Variants in FAM98A observed in about 807,000 individuals in gnomAD.
FAM98A encodes the protein protein FAM98A.
FAM98A carries 25 observed loss-of-function variants against 62.9 expected under a neutral mutation model. The ratio of observed to expected loss-of-function variants is 0.40; its 90% CI spans 0.29 to 0.56. The LOEUF (loss-of-function observed/expected upper bound fraction) is 0.56, where lower values mean the gene tolerates loss of function less well. Ranked by LOEUF, FAM98A falls within the 20% of genes least tolerant of loss-of-function variation. FAM98A has a pLI of 0.51. For synonymous variants in FAM98A, 252 were observed against 228.6 expected (o/e 1.10, Z -0.92); for missense variants, 653 against 640.7 (o/e 1.02, Z -0.21).
At chr2:33,587,543 C>T (rs1243895033) in intron 4 of FAM98A, 4 of 506,398 alleles carry the variant, frequency 7.9e-6, no homozygotes, top group African/African-American at 1.9e-5. Context: ...CAGTGCCTGA[C>T]AACAGTAGGC....
chr2:33,590,591 T>C (rs530522770), intron 3 of FAM98A, among the ~76,000 whole-genome samples: 47 of 152,206 alleles, frequency 3.1e-4, no homozygotes, highest in Admixed American at 7.9e-4. Flanking sequence ...ACAGTGTGTA[T>C]ATATGTATGT....
At chr2:33,586,073 T>G (rs1677540895) in intron 6 of FAM98A, among the ~76,000 whole-genome samples, 1 of 152,234 alleles carries the variant, frequency 6.6e-6, no homozygotes, top group Admixed American at 6.5e-5. Context: ...TGCTTTTTAA[T>G]TTTCCTATCT....
In FAM98A at chr2:33,585,322, T is replaced by C; in HGVS notation, c.1011A>G (p.Gly337=). ...DGPQQQTGGR[G]GGRGGYEHSS... ...AATGTTCATAGCCACCTCTCCCTCC[T>C]CCTCGGCCTCCTGTTTGCTGCTGGG... is the stretch of plus-strand genomic sequence containing the variant. The change falls in exon 8 of 8, where the codon GGA becomes GGG. Residue 337 remains glycine, a synonymous_variant. Coordinates refer to ENST00000238823, the MANE Select transcript of FAM98A (RefSeq NM_015475.5). 1 of 1,613,998 alleles carries C rather than the reference T, an allele frequency of 6.2e-7. No homozygotes were observed. The highest frequency in any genetic ancestry group is 8.5e-7 in the Non-Finnish European group (1 of 1,179,984).
intron 1 of FAM98A, among the ~76,000 whole-genome samples, chr2:33,597,364 T>C (rs1677835975): frequency 6.6e-6 from 1 of 152,228 alleles, no homozygotes; most frequent in Non-Finnish European, 1.5e-5. Context: ...AGTCATTTAA[T>C]TCTAATATTT....
intron 3 of FAM98A, chr2:33,591,826 T>C (rs184398060): frequency 6.5e-6 from 2 of 308,896 alleles, no homozygotes; most frequent in Non-Finnish European, 1.2e-5. Flanking sequence ...GTGATCACAT[T>C]AGGAGAAGCA....
intron 3 of FAM98A, 92 bp downstream of exon 3, chr2:33,591,988 G>T: frequency 8.8e-7 from 1 of 1,133,024 alleles, no homozygotes; most frequent in Non-Finnish European, 1.3e-6. Context: ...CATTCATAAT[G>T]AAATAAACAA....
chr2:33,588,185 G>A (rs1677600015), intron 4 of FAM98A, 150 bp downstream of exon 4: 1 of 647,022 alleles, frequency 1.5e-6, no homozygotes, highest in Non-Finnish European at 2.7e-6. Context: ...AGGCATCTAG[G>A]ATTTAAAACC....
intron 2 of FAM98A, among the ~76,000 whole-genome samples, chr2:33,594,682 CACATATATATACACATATATATAT>C (rs879859036): frequency 0.56 from 61,477 of 108,838 alleles, 22,490 homozygotes; most frequent in Admixed American, 0.66. Context: ...TATATATACA[CACATATATATACACATATATATAT>C]ACACACACAC....
At position 33,585,599 on chromosome 2, in the gene FAM98A, C is replaced by T. The variant is rs143669197; in HGVS notation, c.819G>A (p.Gln273=). The T allele has an allele frequency of 1.9e-6, 3 of 1,614,048 alleles. No homozygotes were observed. In the African/African-American group the frequency reaches 4.0e-5, roughly 22 times the overall value. ...ISVAHLLAAR[Q]DLSKILRTSS... ...TTGTCCTTAAAATCTTTGACAAGTCCTGCCTTGCAGCCAAAAGATGGGCAA... is the reference window on the plus strand; with the variant it reads ...TTGTCCTTAAAATCTTTGACAAGTCTTGCCTTGCAGCCAAAAGATGGGCAA... Residue 273 remains glutamine, a synonymous_variant, in exon 7 of 8, where the codon CAG becomes CAA. Coordinates refer to ENST00000238823, the MANE Select transcript of FAM98A (RefSeq NM_015475.5).
intron 3 of FAM98A, chr2:33,589,192 A>T (rs1337024786): frequency 3.3e-5 from 5 of 152,124 alleles, no homozygotes; most frequent in Non-Finnish European, 5.9e-5. Flanking sequence ...ACAACCATAA[A>T]ACCTTCAAAG....
Position 33,585,159 on chromosome 2 carries a change from C to G in FAM98A, c.1174G>C (p.Gly392Arg). The change falls in exon 8 of 8, where the codon GGT becomes CGT. Residue 392 changes from glycine (G) to arginine (R), a missense_variant. Gly to Arg is a moderately radical substitution (Grantham distance 125). Coordinates refer to ENST00000238823, the MANE Select transcript of FAM98A (RefSeq NM_015475.5). ...CGATAACCACCATCTTGGTAGCCACCTCCTCCACCACTCCCTCCATCTGTC... is the reference window on the plus strand; with the variant it reads ...CGATAACCACCATCTTGGTAGCCACGTCCTCCACCACTCCCTCCATCTGTC... ...GWTDGGSGGG[G>R]GYQDGGYRDS... is the part of the protein sequence containing the mutation. The G allele has an allele frequency of 6.2e-7, 1 of 1,614,142 alleles. No homozygotes were observed.
At chr2:33,592,867 T>C (rs1381728649) in intron 2 of FAM98A, among the ~76,000 whole-genome samples, 1 of 152,222 alleles carries the variant, frequency 6.6e-6, no homozygotes, top group Non-Finnish European at 1.5e-5. Flanking sequence ...TTCCTGTGTG[T>C]GCCAGGCCAG....
At position 33,585,657 on chromosome 2, in the gene FAM98A, C is replaced by A; in HGVS notation, c.761G>T (p.Arg254Leu). The A allele has an allele frequency of 6.2e-7, 1 of 1,613,926 alleles. No homozygotes were observed. The highest frequency in any genetic ancestry group is 1.1e-5 in the South Asian group (1 of 91,058). Residue 254 changes from arginine to leucine, a missense_variant, in exon 7 of 8, where the codon CGT (arginine) becomes CTT (leucine). Coordinates refer to ENST00000238823, the MANE Select transcript of FAM98A (RefSeq NM_015475.5). ...EKLAKVYQPKRSVLSPKTTIS... is the reference protein window; with the variant it reads ...EKLAKVYQPKLSVLSPKTTIS... ...AGTAGTTTTAGGGGATAAGACTGAA[C>A]GTTTCGGCTGGTAAACCTTGGCTAA...
At chr2:33,598,990 C>T (rs560507256) in intron 1 of FAM98A, among the ~76,000 whole-genome samples, 179 bp downstream of exon 1, 1 of 152,160 alleles carries the variant, frequency 6.6e-6, no homozygotes, top group African/African-American at 2.4e-5. Flanking sequence ...TTGGAGGACC[C>T]CGAGCTAGCA....
intron 3 of FAM98A, chr2:33,588,844 G>T (rs550543264): frequency 1.2e-3 from 208 of 169,022 alleles, no homozygotes; most frequent in Non-Finnish European, 2.0e-3. Context: ...ACAGGGGTTG[G>T]CATCTGTTAA....
At chr2:33,591,714 C>T (rs10168835) in intron 3 of FAM98A, among the ~76,000 whole-genome samples, 13,329 of 152,164 alleles carry the variant, frequency 0.088, 774 homozygotes, top group African/African-American at 0.17. Context: ...AACAAAATCT[C>T]CATTATTTCC....
rs561100291 is a variant in FAM98A at position 33,594,692 on chromosome 2, T to C, written c.202+797A>G. ...ACATATATATATACACACATATATA[T>C]ACACATATATATATACACACACACA... On this transcript the variant is annotated intron_variant, in intron 2 of 7. Transcript: ENST00000238823. Among the ~76,000 whole-genome samples the C allele has an allele frequency of 4.8e-3, 73 of 15,294 alleles. 16 individuals carry two copies. The highest frequency in any genetic ancestry group is 0.048 in the Middle Eastern group (2 of 42). 10.0% of individuals were successfully genotyped at this position (15,294 alleles called of 152,430 possible).
chr2:33,595,528 C>T lies in FAM98A; in HGVS notation c.163G>A (p.Val55Met), dbSNP rs778632294. ...LCAWLVSELR[V>M]LCKLEENVQA... The stretch of plus-strand genomic sequence containing the variant: ...ACGTTTTCCTCTAGTTTACAGAGCA[C>T]TCTTAATTCAGACACCAGCCAAGCA... Residue 55 changes from valine to methionine, a missense_variant, in exon 2 of 8, where the codon GTG (valine) becomes ATG (methionine). Val to Met is a conservative substitution (Grantham distance 21, BLOSUM62 1). Transcript: ENST00000238823. The T allele has an allele frequency of 6.2e-7, 1 of 1,609,058 alleles. No individual in the cohort carries two copies. The highest frequency in any genetic ancestry group is 1.3e-5 in the African/African-American group (1 of 74,436).
chr2:33,588,610 G>A, intron 3 of FAM98A, 91 bp from the exon 4 acceptor site: 1 of 916,816 alleles, frequency 1.1e-6, no homozygotes, highest in East Asian at 2.6e-5. Context: ...CTATTGATAT[G>A]TAACTGTTAA....
Sources: allele counts gnomAD v4.1 joint callset (sites outside exome capture counted in the v4.1 genomes callset), GRCh38; gene constraint gnomAD v4.1.1; transcripts MANE v1.5; gene names NCBI Gene and HGNC (gene_info 2026-07-23, HGNC 2026-07-21).